Variants in MPDZ observed in about 807,000 individuals in gnomAD.
MPDZ encodes the protein multiple PDZ domain protein.
Under a neutral mutation model 239.1 loss-of-function variants are expected in MPDZ, and 234 were observed. The ratio of observed to expected loss-of-function variants is 0.98; its 90% CI spans 0.88 to 1.09. The LOEUF is 1.09. Among genes scored for constraint, MPDZ ranks in the 50% least tolerant of loss-of-function variants. MPDZ has a pLI of 0.00. For missense variants in MPDZ, 3,175 were observed against 2,510.0 expected, an observed-to-expected ratio of 1.26 and a Z score of -5.66; for synonymous variants, 1,048 against 881.3, an observed-to-expected ratio of 1.19 and a Z score of -3.35.
intron 15 of MPDZ, among the ~76,000 whole-genome samples, chr9:13,191,475 G>A (rs1248531158): frequency 1.3e-5 from 2 of 152,004 alleles, no homozygotes; most frequent in Admixed American, 1.3e-4. Flanking sequence ...ATCATGATAC[G>A]AATGAATGAA....
intron 18 of MPDZ, 95 bp downstream of exon 18, chr9:13,186,175 C>T (rs1455337841): frequency 3.5e-6 from 2 of 573,060 alleles, no homozygotes; most frequent in East Asian, 6.7e-5. Context: ...TAATAATGAA[C>T]AAAGAATATA....
intron 19 of MPDZ, among the ~76,000 whole-genome samples, chr9:13,178,258 CAAA>C (rs368605859): frequency 8.6e-6 from 1 of 116,692 alleles, no homozygotes; most frequent in Non-Finnish European, 1.7e-5. Context: ...GACTGCATCT[CAAA>C]AAAAAAAAAA....
At chr9:13,266,363 T>G (rs1313183630) in intron 1 of MPDZ, among the ~76,000 whole-genome samples, 1 of 152,216 alleles carries the variant, frequency 6.6e-6, no homozygotes, top group Non-Finnish European at 1.5e-5. Context: ...GTGGTTTGAC[T>G]CCTGTTGGTT....
At chr9:13,170,318 G>T (rs1290365971) in intron 21 of MPDZ, among the ~76,000 whole-genome samples, 1 of 152,092 alleles carries the variant, frequency 6.6e-6, no homozygotes, top group African/African-American at 2.4e-5. Context: ...ATATTTCATA[G>T]TGGATGTGGG....
chr9:13,218,355 G>A (rs974008273), intron 8 of MPDZ, among the ~76,000 whole-genome samples: 3 of 151,780 alleles, frequency 2.0e-5, no homozygotes, highest in Non-Finnish European at 4.4e-5. Flanking sequence ...TTTGACTATC[G>A]AATGGTTTTA....
intron 35 of MPDZ, 21 bp downstream of exon 35, chr9:13,125,195 T>C: frequency 6.5e-7 from 1 of 1,549,904 alleles, no homozygotes; most frequent in Non-Finnish European, 8.7e-7. Context: ...TGCAGGACTC[T>C]CATGAGTCCA....
rs752901448 is a variant in MPDZ at position 13,125,206 on chromosome 9, G to C, written c.4807+10C>G. On this transcript the variant is annotated intron_variant, in intron 35 of 46. Transcript: ENST00000319217. ...TATGTGCAGGACTCTCATGAGTCCA[G>C]AGGCCTTACTTCGGATGGACTCCGG... 1.0e-5 allele frequency: 16 copies of C among 1,580,390 alleles called. No homozygotes were observed. The highest frequency in any genetic ancestry group is 2.2e-5 in the East Asian group (1 of 44,468).
intron 3 of MPDZ, among the ~76,000 whole-genome samples, chr9:13,233,635 T>C (rs1421245755): frequency 1.3e-5 from 2 of 152,144 alleles, no homozygotes; most frequent in East Asian, 1.9e-4. Flanking sequence ...CTTTAATGTA[T>C]GTTATTTCTC....
chr9:13,173,149 C>T (rs1386175709), intron 21 of MPDZ, among the ~76,000 whole-genome samples: 1 of 152,168 alleles, frequency 6.6e-6, no homozygotes, highest in African/African-American at 2.4e-5. Context: ...TTAATGGATA[C>T]AGCGTTTCAA....
intron 32 of MPDZ, among the ~76,000 whole-genome samples, chr9:13,129,022 T>G (rs1172165249): frequency 6.6e-6 from 1 of 152,214 alleles, no homozygotes; most frequent in East Asian, 1.9e-4. Flanking sequence ...CTGATGGAAT[T>G]AGTTCATTTT....
chr9:13,187,979 C>A (rs1954364820), intron 17 of MPDZ, among the ~76,000 whole-genome samples: 1 of 152,056 alleles, frequency 6.6e-6, no homozygotes, highest in Non-Finnish European at 1.5e-5. Context: ...ACTGATGAAC[C>A]CATTTTGGAA....
At position 13,222,923 on chromosome 9, in the gene MPDZ, G is replaced by C. The variant is rs141303995; in HGVS notation, c.534-477C>G. Among the ~76,000 whole-genome samples the C allele has an allele frequency of 2.6e-3, 392 of 151,422 alleles. 1 individual carries two copies. The highest frequency in any genetic ancestry group is 8.3e-3 in the African/African-American group (343 of 41,082). ...TCCCCAACTGGGGATCACATCCATAGATTAGATCCCCAACTGGGGATCAAA... is the reference window on the plus strand; with the variant it reads ...TCCCCAACTGGGGATCACATCCATACATTAGATCCCCAACTGGGGATCAAA... On this transcript the variant is annotated intron_variant, in intron 5 of 46. Coordinates refer to ENST00000319217, the MANE Select transcript of MPDZ (RefSeq NM_001378778.1).
At position 13,221,410 on chromosome 9, in the gene MPDZ, T is replaced by C; in HGVS notation, c.838A>G (p.Ile280Val). 3.1e-6 allele frequency: 5 copies of C among 1,611,048 alleles called. No homozygotes were observed. Among genetic ancestry groups the C allele is most frequent in the South Asian group, 1.1e-5 (1 of 90,898 alleles). ...CCTCCAGGCAGAATGGTTTTTACTA[T>C]CACACCAGTTGCTTTTCCTCCTATG... The part of the protein sequence containing the change: ...GIIGGKATGV[I>V]VKTILPGGVA... Residue 280 changes from isoleucine to valine, a missense_variant, in exon 7 of 47, where the codon ATA becomes GTA. Ile to Val is a conservative substitution (Grantham distance 29, BLOSUM62 3). Transcript: ENST00000319217.
chr9:13,155,091 C>A (rs999058237), intron 24 of MPDZ, among the ~76,000 whole-genome samples: 1 of 150,098 alleles, frequency 6.7e-6, no homozygotes, highest in African/African-American at 2.4e-5. Flanking sequence ...GTGGTGCGCA[C>A]CTGTAGTCCC....
chr9:13,233,343 G>A (rs958354603), intron 3 of MPDZ, among the ~76,000 whole-genome samples: 2 of 151,998 alleles, frequency 1.3e-5, no homozygotes, highest in African/African-American at 4.8e-5. Flanking sequence ...AAATGAAAAA[G>A]AACTACTACT....
In MPDZ at chr9:13,175,604, A is replaced by G. The variant is rs527387111; in HGVS notation, c.3055+148T>C. ...AACCTGTAAACCATTTCAAAAAAATAATGAGGACATAGAAATAAAAACTAC... is the reference window on the plus strand; with the variant it reads ...AACCTGTAAACCATTTCAAAAAAATGATGAGGACATAGAAATAAAAACTAC... On this transcript the variant is annotated intron_variant, in intron 21 of 46. Coordinates refer to ENST00000319217, the MANE Select transcript of MPDZ (RefSeq NM_001378778.1). 197 of 786,930 alleles carry G rather than the reference A, an allele frequency of 2.5e-4. 1 individual carries two copies. The Admixed American group carries it at 3.0e-3, about 12-fold the overall frequency. 48.7% of individuals were successfully genotyped at this position (786,930 alleles called of 1,614,324 possible).
intron 1 of MPDZ, among the ~76,000 whole-genome samples, chr9:13,260,755 C>A (rs1970504289): frequency 6.6e-6 from 1 of 152,202 alleles, no homozygotes; most frequent in African/African-American, 2.4e-5. Context: ...AAGGTAGCCA[C>A]CTGCGAGCCA....
At chr9:13,226,934 T>C (rs1350958962) in intron 3 of MPDZ, among the ~76,000 whole-genome samples, 1 of 152,190 alleles carries the variant, frequency 6.6e-6, no homozygotes, top group Non-Finnish European at 1.5e-5. Context: ...ATGCTAAGGA[T>C]GATGAAATTA....
chr9:13,188,920 C>T lies in MPDZ; in HGVS notation c.2228G>A (p.Gly743Glu). The change falls in exon 17 of 47, where the codon GGA becomes GAA. Residue 743 changes from glycine (G) to glutamate (E), a missense_variant. Transcript: ENST00000319217. ...GAGTCGGTCACCAGGAAGAAGTCGTCCATCCTTTTCAGCAATGCCGCCAGG... is the reference window on the plus strand; with the variant it reads ...GAGTCGGTCACCAGGAAGAAGTCGTTCATCCTTTTCAGCAATGCCGCCAGG... ...LVPGGIAEKD[G>E]RLLPGDRLMF... 6.2e-7 allele frequency: 1 copy of T among 1,613,462 alleles called. No homozygotes were observed. The highest frequency in any genetic ancestry group is 1.3e-5 in the African/African-American group (1 of 74,996).
Sources: gnomAD v4.1 joint callset for allele counts (sites outside exome capture counted in the v4.1 genomes callset) on GRCh38, gnomAD v4.1.1 for gene constraint, MANE v1.5 for transcripts, NCBI Gene and HGNC (gene_info 2026-07-23, HGNC 2026-07-21) for gene names.